The following KRI1 variants were observed in gnomAD, a reference collection of about 807,000 sequenced individuals.
The protein encoded by KRI1 is KRI1 homolog.
KRI1 carries 83 observed loss-of-function variants against 97.0 expected under a neutral mutation model. The ratio of observed to expected loss-of-function variants is 0.86; its 90% CI spans 0.72 to 1.03. The LOEUF is 1.03. Ranked by LOEUF, KRI1 falls within the 50% of genes least tolerant of loss-of-function variation. The probability of loss-of-function intolerance (pLI) is 0.00; values close to 1 mark genes in which losing one functional copy is unlikely to be tolerated. For missense variants in KRI1, 916 were observed against 928.4 expected (o/e 0.99, Z 0.17); for synonymous variants, 371 against 363.5 (o/e 1.02, Z -0.23).
chr19:10,565,981 A>C lies in KRI1; in HGVS notation c.19T>G (p.Ser7Ala), dbSNP rs1235009749. 7.9e-6 allele frequency: 12 copies of C among 1,522,304 alleles called. No individual in the cohort carries two copies. The highest frequency in any genetic ancestry group is 1.1e-5 in the Non-Finnish European group (12 of 1,139,616). 94.3% of individuals were successfully genotyped at this position (1,522,304 alleles called of 1,614,324 possible). Reference protein sequence around the residue: MPEPRGSSQLRVNAAFA... With the variant: MPEPRGASQLRVNAAFA... ...GCCGCGTTCACCCGCAGCTGCGACG[A>C]CCCGCGCGGTTCCGGCATGGCGGTT... is the stretch of plus-strand genomic sequence containing the variant. Residue 7 changes from serine to alanine, a missense_variant, in exon 1 of 19, where the codon TCG becomes GCG. By Grantham distance (99) the Ser-to-Ala change is moderately conservative. Transcript: ENST00000312962.
Position 10,553,734 on chromosome 19 carries a change from T to G in KRI1, c.*217A>C. The G allele has an allele frequency of 1.3e-5, 7 of 530,120 alleles. No individual in the cohort carries two copies. The highest frequency in any genetic ancestry group is 5.0e-4 in the Middle Eastern group (1 of 1,998). The allele number at this position is 530,120 out of a possible 1,614,324, so 32.8% of individuals were successfully genotyped here. A position where few individuals can be genotyped will look rare whatever the true frequency, so the allele number is the denominator to read the frequency against. Reference sequence around the variant, plus strand: ...GGGACTACAGGCATGTGTCACCACATTTTGTAGAGATGGAGTCTCGCTAAG... The same window carrying G: ...GGGACTACAGGCATGTGTCACCACAGTTTGTAGAGATGGAGTCTCGCTAAG... On this transcript the variant is annotated 3_prime_UTR_variant, in exon 19 of 19. Coordinates refer to ENST00000312962, the MANE Select transcript of KRI1 (RefSeq NM_023008.5).
intron 3 of KRI1, among the ~76,000 whole-genome samples, chr19:10,563,126 G>C (rs1916749365): frequency 6.6e-6 from 1 of 151,968 alleles, no homozygotes; most frequent in African/African-American, 2.4e-5. Flanking sequence ...CATGATCTCG[G>C]CTCACTGCAA....
At position 10,561,057 on chromosome 19, in the gene KRI1, G is replaced by A. The variant is rs777465201; in HGVS notation, c.609C>T (p.Ile203=). 4.3e-6 allele frequency: 7 copies of A among 1,614,000 alleles called. No individual in the cohort carries two copies. The highest frequency in any genetic ancestry group is 4.5e-5 in the East Asian group (2 of 44,898). Reference sequence around the variant, plus strand: ...TCTCTTTCTGTCCCTTCAGCCACTCGATGTAGTCGGCCTCCTCCTGGGCCT... The same window carrying A: ...TCTCTTTCTGTCCCTTCAGCCACTCAATGTAGTCGGCCTCCTCCTGGGCCT... ...QEKAQEEADY[I]EWLKGQKEIR... The change falls in exon 8 of 19, where the codon ATC becomes ATT. Residue 203 remains isoleucine (I), a synonymous_variant. Coordinates refer to ENST00000312962, the MANE Select transcript of KRI1 (RefSeq NM_023008.5).
chr19:10,560,285 A>G, intron 9 of KRI1, 27 bp downstream of exon 9: 1 of 1,569,726 alleles, frequency 6.4e-7, no homozygotes, highest in Non-Finnish European at 8.6e-7. Flanking sequence ...CCCAAAATCT[A>G]GGTCCTGGGG....
intron 12 of KRI1, among the ~76,000 whole-genome samples, chr19:10,559,145 C>T (rs1568422390): frequency 2.0e-5 from 3 of 152,136 alleles, no homozygotes; most frequent in East Asian, 1.9e-4. Context: ...GCTGAGATTA[C>T]AAGCATACAC....
chr19:10,555,214 C>T, intron 17 of KRI1, 29 bp from the exon 18 acceptor site: 1 of 1,613,922 alleles, frequency 6.2e-7, no homozygotes, highest in Non-Finnish European at 8.5e-7. Context: ...GTGTTGGGTG[C>T]TCTGGGAAGT....
In KRI1 at chr19:10,557,624, G is replaced by C. The variant is rs1241475046; in HGVS notation, c.1545C>G (p.Ile515Met). Residue 515 changes from isoleucine to methionine, a missense_variant, in exon 16 of 19, where the codon ATC becomes ATG. Coordinates refer to ENST00000312962, the MANE Select transcript of KRI1 (RefSeq NM_023008.5). ...TGAAGCGACAGGGCAGGTCGTCGAT[G>C]ATGTCCTCGTAGTCCAGCCGGTAAT... Reference protein sequence around the residue: ...DEYYRLDYEDIIDDLPCRFKY... With the variant: ...DEYYRLDYEDMIDDLPCRFKY... 1 of 1,614,160 alleles carries C rather than the reference G, an allele frequency of 6.2e-7. No homozygotes were observed. Among genetic ancestry groups the C allele is most frequent in the African/African-American group, 1.3e-5 (1 of 75,046 alleles).
At chr19:10,558,273 A>T (rs1599532187) in intron 12 of KRI1, 34 bp from the exon 13 acceptor site, 1 of 1,606,738 alleles carries the variant, frequency 6.2e-7, no homozygotes, top group African/African-American at 1.3e-5. Flanking sequence ...ACCAGAGCCC[A>T]CTCGAGACAT....
chr19:10,553,804 A>C lies in KRI1; in HGVS notation c.*147T>G. ...ATTCCTGGGCTCAAGTGATCCTTTC[A>C]CCTCGGCCTCCCAAAGTGCTGGGAT... On this transcript the variant is annotated 3_prime_UTR_variant, in exon 19 of 19. Coordinates refer to ENST00000312962, the MANE Select transcript of KRI1 (RefSeq NM_023008.5). 1 of 690,616 alleles carries C rather than the reference A, an allele frequency of 1.4e-6. No individual in the cohort carries two copies. The highest frequency in any genetic ancestry group is 2.3e-6 in the Non-Finnish European group (1 of 434,750). The allele number at this position is 690,616 out of a possible 1,614,324, so 42.8% of individuals were successfully genotyped here.
chr19:10,553,291 C>T lies in KRI1; in HGVS notation c.*660G>A, dbSNP rs1916991802. The T allele has an allele frequency of 1.8e-6, 1 of 544,112 alleles. No homozygotes were observed. Among genetic ancestry groups the T allele is most frequent in the Admixed American group, 3.2e-5 (1 of 31,600 alleles). The allele number at this position is 544,112 out of a possible 1,614,324, so 33.7% of individuals were successfully genotyped here. A position where few individuals can be genotyped will look rare whatever the true frequency, so the allele number is the denominator to read the frequency against. On this transcript the variant is annotated 3_prime_UTR_variant, in exon 19 of 19. Coordinates refer to ENST00000312962, the MANE Select transcript of KRI1 (RefSeq NM_023008.5). The stretch of plus-strand genomic sequence containing the variant: ...CTCCTGGCAGGGTAGGGAAGGAGGA[C>T]CCCGGGCACCCCCCTCAGGGCCTGA...
At chr19:10,562,206 C>T (rs1916723854) in intron 4 of KRI1, among the ~76,000 whole-genome samples, 2 of 151,636 alleles carry the variant, frequency 1.3e-5, no homozygotes, top group African/African-American at 4.8e-5. Context: ...CCCACCACCA[C>T]ATCTGGCTAA....
chr19:10,561,896 T>A, intron 4 of KRI1, 51 bp from the exon 5 acceptor site: 1 of 1,555,450 alleles, frequency 6.4e-7, no homozygotes. Flanking sequence ...GGCCCGCCTG[T>A]CCCCATGCCC....
intron 18 of KRI1, among the ~76,000 whole-genome samples, chr19:10,554,859 A>AT (rs57506860): frequency 0.19 from 29,460 of 152,072 alleles, 3,035 homozygotes; most frequent in Middle Eastern, 0.28. Flanking sequence ...CTGCAACTTG[A>AT]TAAGGCAGAA....
Position 10,561,031 on chromosome 19 carries a change from ATC to A in KRI1, c.633_634del (p.Glu211AspfsTer21), listed in dbSNP as rs745977650. On this transcript the variant is annotated frameshift_variant, in exon 8 of 19. Transcript: ENST00000312962. LOFTEE classifies it high-confidence loss of function. Reference sequence around the variant, plus strand: ...TTCCTTCAGGGAATCTGGGTTCCGAATCTCTTTCTGTCCCTTCAGCCACTCGA... The same window carrying A: ...TTCCTTCAGGGAATCTGGGTTCCGAATCTTTCTGTCCCTTCAGCCACTCGA... The A allele has an allele frequency of 3.7e-6, 6 of 1,614,030 alleles. No individual in the cohort carries two copies. In the African/African-American group the frequency reaches 6.7e-5, roughly 18 times the overall value.
Position 10,557,886 on chromosome 19 carries a change from C to A in KRI1, c.1369G>T (p.Asp457Tyr), listed in dbSNP as rs144833930. ...CEDPNFNMDA[D>Y]YDPSQPRKKK... ...TTCCTCGGCTGGCTGGGGTCGTAGT[C>A]GGCGTCCATCTGCCAGGACGCACAG... The change falls in exon 15 of 19, where the codon GAC (aspartate) becomes TAC (tyrosine). Residue 457 changes from aspartate to tyrosine, a missense_variant. Physicochemically the swap from Asp to Tyr is radical, Grantham distance 160. Around this residue, in one of 3 missense-constraint regions of KRI1, gnomAD observed 672 missense variants for 667.2 expected, o/e 1.01. Coordinates refer to ENST00000312962, the MANE Select transcript of KRI1 (RefSeq NM_023008.5). 1.2e-6 allele frequency: 2 copies of A among 1,613,452 alleles called. No homozygotes were observed.
Position 10,558,054 on chromosome 19 carries a change from C to T in KRI1, c.1277G>A (p.Trp426Ter). 1 of 1,614,098 alleles carries T rather than the reference C, an allele frequency of 6.2e-7. No homozygotes were observed. The highest frequency in any genetic ancestry group is 1.1e-5 in the South Asian group (1 of 91,078). The part of the protein sequence containing the change: ...FEEEEGLEDD[W>*]NWDTWDGPEQ... The stretch of plus-strand genomic sequence containing the variant: ...AGGCCCGTCCCACGTGTCCCAGTTC[C>T]AGTCGTCTGGATGCAGGGAGAACAG... The change falls in exon 14 of 19, where the codon TGG (tryptophan) becomes TAG (stop). Residue 426 changes from tryptophan to a stop codon, truncating the protein, a stop_gained. Coordinates refer to ENST00000312962, the MANE Select transcript of KRI1 (RefSeq NM_023008.5). LOFTEE classifies it high-confidence loss of function.
chr19:10,560,916 A>T (rs1599534623), intron 8 of KRI1, 87 bp downstream of exon 8: 3 of 1,030,234 alleles, frequency 2.9e-6, no homozygotes, highest in Non-Finnish European at 4.5e-6. Flanking sequence ...TACATATCCC[A>T]TCTTCAGAGG....
chr19:10,560,828 C>T (rs1916669669), intron 8 of KRI1, among the ~76,000 whole-genome samples, 175 bp downstream of exon 8: 1 of 152,164 alleles, frequency 6.6e-6, no homozygotes, highest in Admixed American at 6.6e-5. Context: ...CCACCCAAAG[C>T]ACTGGGATTA....
chr19:10,556,659 A>G (rs937826930), intron 16 of KRI1, among the ~76,000 whole-genome samples: 2 of 150,648 alleles, frequency 1.3e-5, no homozygotes, highest in African/African-American at 4.9e-5. Flanking sequence ...AGAGCAAGAC[A>G]CTGTCCCAAT....
Sources: gnomAD v4.1 joint callset for allele counts (sites outside exome capture counted in the v4.1 genomes callset) on GRCh38, gnomAD v4.1.1 for gene constraint, gnomAD v4.1.1 regional missense constraint, MANE v1.5 for transcripts, NCBI Gene and HGNC (gene_info 2026-07-23, HGNC 2026-07-21) for gene names.